The following TTC28 variants were observed in gnomAD, a reference collection of about 807,000 sequenced individuals.
TTC28 encodes the protein tetratricopeptide repeat domain 28.
In TTC28, 61 loss-of-function variants were observed where a neutral mutation model predicts 198.0. The observed-to-expected ratio is 0.31, with a 90% CI of 0.25 to 0.38. TTC28 has a LOEUF of 0.38. TTC28 is among the 10% of genes least tolerant of loss of function. The pLI is 1.00. For missense variants in TTC28, 2,678 were observed against 3,164.0 expected (o/e 0.85, Z 3.69); for synonymous variants, 1,171 against 1,297.8 (o/e 0.90, Z 2.10).
At chr22:28,541,944 C>T (rs1395446487) in intron 2 of TTC28, among the ~76,000 whole-genome samples, 1 of 152,006 alleles carries the variant, frequency 6.6e-6, no homozygotes, top group Non-Finnish European at 1.5e-5. Context: ...CAAAAATCAG[C>T]TGGGCACAGT....
At chr22:28,187,313 T>G (rs1260854484) in intron 5 of TTC28, among the ~76,000 whole-genome samples, 2 of 152,240 alleles carry the variant, frequency 1.3e-5, no homozygotes, top group Non-Finnish European at 2.9e-5. Flanking sequence ...TAATTTGTCA[T>G]AAATGTTAAA....
At chr22:28,381,446 A>C (rs1023814500) in intron 2 of TTC28, among the ~76,000 whole-genome samples, 3 of 152,146 alleles carry the variant, frequency 2.0e-5, no homozygotes, top group African/African-American at 7.2e-5. Context: ...CCCTTCCAAC[A>C]AGTATTCAAG....
At chr22:28,442,698 G>A (rs902138366) in intron 2 of TTC28, among the ~76,000 whole-genome samples, 1 of 152,242 alleles carries the variant, frequency 6.6e-6, no homozygotes, top group African/African-American at 2.4e-5. Context: ...TTAAAGGGCA[G>A]TGGATGCAGA....
intron 2 of TTC28, among the ~76,000 whole-genome samples, chr22:28,389,763 A>C (rs1378857834): frequency 6.7e-6 from 1 of 148,812 alleles, no homozygotes; most frequent in African/African-American, 2.5e-5. Flanking sequence ...CTAGTGGTCT[A>C]TCAATTTTGT....
At chr22:28,481,870 G>A (rs953648023) in intron 2 of TTC28, among the ~76,000 whole-genome samples, 1 of 152,132 alleles carries the variant, frequency 6.6e-6, no homozygotes, top group Non-Finnish European at 1.5e-5. Flanking sequence ...TGTGATGTAG[G>A]ATCCACAATA....
intron 2 of TTC28, among the ~76,000 whole-genome samples, chr22:28,514,522 A>C (rs1488058383): frequency 6.6e-6 from 1 of 152,262 alleles, no homozygotes; most frequent in Non-Finnish European, 1.5e-5. Flanking sequence ...TTTGAGAGCC[A>C]ACAAAAGGCC....
At chr22:28,548,559 C>A (rs905742556) in intron 2 of TTC28, among the ~76,000 whole-genome samples, 1 of 152,204 alleles carries the variant, frequency 6.6e-6, no homozygotes, top group African/African-American at 2.4e-5. Flanking sequence ...AGCACCATTT[C>A]TTACTACCTA....
chr22:28,364,763 T>A (rs2046218152), intron 2 of TTC28, among the ~76,000 whole-genome samples: 1 of 152,230 alleles, frequency 6.6e-6, no homozygotes, highest in South Asian at 2.1e-4. Flanking sequence ...AAGATGTGAC[T>A]AAATTGCTGC....
chr22:28,338,408 TCTC>T (rs1329858512), intron 2 of TTC28, among the ~76,000 whole-genome samples: 1 of 152,202 alleles, frequency 6.6e-6, no homozygotes, highest in African/African-American at 2.4e-5. Flanking sequence ...TTGGGGAAAT[TCTC>T]CTGGATAATA....
intron 2 of TTC28, among the ~76,000 whole-genome samples, chr22:28,350,725 G>A (rs559201892): frequency 6.6e-6 from 1 of 152,248 alleles, no homozygotes; most frequent in South Asian, 2.1e-4. Context: ...AAAGAGGGCA[G>A]GAGTTAACAC....
In TTC28 at chr22:28,005,664, G is replaced by A. The variant is rs947629311; in HGVS notation, c.4219-4111C>T. 6.6e-6 allele frequency among the ~76,000 whole-genome samples: 1 copy of A among 152,110 alleles called. No individual in the cohort carries two copies. Among genetic ancestry groups the A allele is most frequent in the African/African-American group, 2.4e-5 (1 of 41,412 alleles). On this transcript the variant is annotated intron_variant, in intron 14 of 22. Transcript: ENST00000397906. This position sits in a 1 kb window ranked among gnomAD's most constrained non-coding sequence, Gnocchi z 4.9. Reference sequence around the variant, plus strand: ...TGTCCCGTTGCCACCTTGCAGTCTCGGCCTGGTGATAATCTTCCCTCACTC... The same window carrying A: ...TGTCCCGTTGCCACCTTGCAGTCTCAGCCTGGTGATAATCTTCCCTCACTC...
rs553606630 is a variant in TTC28 at position 28,603,588 on chromosome 22, T to C, written c.381+25964A>G. ...TAAATTATTTTTTGTAGAGATGGGG[T>C]CTGGCTTTGTTGCCTAGGCTTGTCT... On this transcript the variant is annotated intron_variant, in intron 2 of 22. Coordinates refer to ENST00000397906, the MANE Select transcript of TTC28 (RefSeq NM_001145418.2). Among the ~76,000 whole-genome samples, 4 of 152,154 alleles carry C rather than the reference T, an allele frequency of 2.6e-5. No individual in the cohort carries two copies. In the South Asian group the frequency reaches 8.3e-4, roughly 32 times the overall value.
intron 5 of TTC28, among the ~76,000 whole-genome samples, chr22:28,227,772 T>G (rs1928463795): frequency 6.6e-6 from 1 of 151,250 alleles, no homozygotes; most frequent in South Asian, 2.1e-4. Flanking sequence ...CTAGTGGGAA[T>G]GTAAAATGGT....
At chr22:28,362,867 A>C (rs1569283407) in intron 2 of TTC28, among the ~76,000 whole-genome samples, 1 of 152,166 alleles carries the variant, frequency 6.6e-6, no homozygotes. Context: ...CAAAGCATTC[A>C]AGAGGTGACT....
chr22:28,237,659 GA>G (rs1929349670), intron 5 of TTC28, among the ~76,000 whole-genome samples: 1 of 151,960 alleles, frequency 6.6e-6, no homozygotes, highest in African/African-American at 2.4e-5. Context: ...CAAAATACAT[GA>G]AAAAATGAGG....
intron 2 of TTC28, among the ~76,000 whole-genome samples, chr22:28,482,290 C>A (rs539540492): frequency 2.2e-5 from 3 of 135,482 alleles, no homozygotes; most frequent in Non-Finnish European, 3.1e-5. Context: ...CGGCTCACTG[C>A]AAGCTCCGCC....
At chr22:28,207,716 C>T (rs751272717) in intron 5 of TTC28, among the ~76,000 whole-genome samples, 1 of 152,112 alleles carries the variant, frequency 6.6e-6, no homozygotes, top group Non-Finnish European at 1.5e-5. Flanking sequence ...TCCAGGGACA[C>T]GTGGGAATGG....
At chr22:28,029,608 C>T (rs1238178320) in intron 13 of TTC28, among the ~76,000 whole-genome samples, 2 of 152,188 alleles carry the variant, frequency 1.3e-5, no homozygotes, top group South Asian at 2.1e-4. Flanking sequence ...TATCCGGACC[C>T]AGCTCAGGTG....
At chr22:28,317,800 G>A (rs74911454) in intron 2 of TTC28, among the ~76,000 whole-genome samples, 7 of 152,230 alleles carry the variant, frequency 4.6e-5, no homozygotes, top group African/African-American at 1.7e-4. Context: ...AAAATGCAGA[G>A]AGAGGAAAAA....
Sources: gnomAD v4.1 joint callset for allele counts (sites outside exome capture counted in the v4.1 genomes callset) on GRCh38, gnomAD v4.1.1 for gene constraint, Gnocchi (gnomAD v3.1) non-coding constraint, MANE v1.5 for transcripts, NCBI Gene and HGNC (gene_info 2026-07-23, HGNC 2026-07-21) for gene names.